Variants in WDR11 observed in about 807,000 individuals in gnomAD.
WDR11 encodes WD repeat-containing protein 11.
A neutral mutation model predicts 151.2 loss-of-function variants in WDR11; 83 were observed. The observed-to-expected ratio is 0.55, with a 90% CI of 0.46 to 0.66. The LOEUF (loss-of-function observed/expected upper bound fraction) is 0.66. WDR11 is among the 30% of genes least tolerant of loss of function. The pLI is 0.00. For missense variants in WDR11, 1,301 were observed against 1,480.9 expected (o/e 0.88, Z 1.99); for synonymous variants, 484 against 533.1 (o/e 0.91, Z 1.27).
chr10:120,904,632 G>T lies in WDR11; in HGVS notation c.3028-14G>T. 1 of 1,614,020 alleles carries T rather than the reference G, an allele frequency of 6.2e-7. No individual in the cohort carries two copies. Among genetic ancestry groups the T allele is most frequent in the Non-Finnish European group, 8.5e-7 (1 of 1,179,974 alleles). On this transcript the variant is annotated splice_polypyrimidine_tract_variant and intron_variant, in intron 24 of 28. Transcript: ENST00000263461. ...AAATGTTCTCATAATTAGAAAAACCGTTTCTCTTACTAGACAGACAGAGCT... is the reference window on the plus strand; with the variant it reads ...AAATGTTCTCATAATTAGAAAAACCTTTTCTCTTACTAGACAGACAGAGCT...
intron 11 of WDR11, among the ~76,000 whole-genome samples, chr10:120,877,229 T>C (rs891547829): frequency 3.3e-5 from 5 of 152,200 alleles, no homozygotes; most frequent in African/African-American, 1.2e-4. Flanking sequence ...TGATTATAAG[T>C]GTTACTTGGG....
Position 120,865,708 on chromosome 10 carries a change from TATA to T in WDR11, c.963_965del (p.Asn322del), listed in dbSNP as rs749583885. ...TATAACTTTACGTGTTCGAAGATCT[TATA>T]ATAACATTTTTACCACTTCAAATGA... On this transcript the variant is annotated inframe_deletion, in exon 7 of 29. Transcript: ENST00000263461. The T allele has an allele frequency of 1.4e-5, 23 of 1,610,216 alleles. No individual in the cohort carries two copies. In the South Asian group the frequency reaches 1.9e-4, roughly 13 times the overall value.
At position 120,901,044 on chromosome 10, in the gene WDR11, C is replaced by G; in HGVS notation, c.2633C>G (p.Pro878Arg). The stretch of plus-strand genomic sequence containing the variant: ...AAATTTTTTCTTTACAGTGACTATC[C>G]AGAAAATGAAGAAATAAAGAATCTC... The part of the protein sequence containing the change: ...YSLDISHVDY[P>R]ENEEIKNLLQ... The change falls in exon 21 of 29, where the codon CCA becomes CGA. Residue 878 changes from proline to arginine, a missense_variant. Physicochemically the swap from Pro to Arg is moderately radical, Grantham distance 103. Transcript: ENST00000263461. 1 of 1,611,616 alleles carries G rather than the reference C, an allele frequency of 6.2e-7. No individual in the cohort carries two copies. Among genetic ancestry groups the G allele is most frequent in the East Asian group, 2.2e-5 (1 of 44,738 alleles).
At position 120,874,190 on chromosome 10, in the gene WDR11, T is replaced by TTGTTG. The variant is rs72160923; in HGVS notation, c.1556+268_1556+269insGTTGT. On this transcript the variant is annotated intron_variant, in intron 11 of 28. Transcript: ENST00000263461. The stretch of plus-strand genomic sequence containing the variant: ...CGGTTTTTGCAGTTTTTTTTTTTTT[T>TTGTTG]TTGTTGTTGTTGTTGTTGTTTGTTT... Among the ~76,000 whole-genome samples, 267 of 105,114 alleles carry TTGTTG rather than the reference T, an allele frequency of 2.5e-3. 3 individuals are homozygous for TTGTTG. Among genetic ancestry groups the TTGTTG allele is most frequent in the East Asian group, 8.8e-3 (31 of 3,504 alleles). The allele number at this position is 105,114 out of a possible 152,430, so 69.0% of individuals were successfully genotyped here. A position where few individuals can be genotyped will look rare whatever the true frequency, so the allele number is the denominator to read the frequency against.
chr10:120,864,924 C>A, intron 5 of WDR11, 123 bp from the exon 6 acceptor site: 1 of 1,143,032 alleles, frequency 8.7e-7, no homozygotes, highest in Non-Finnish European at 1.3e-6. Flanking sequence ...CCATGTTGGT[C>A]ACTTCAGGGA....
In WDR11 at chr10:120,904,778, G is replaced by A; in HGVS notation, c.3160G>A (p.Ala1054Thr). 6.2e-7 allele frequency: 1 copy of A among 1,614,136 alleles called. No individual in the cohort carries two copies. The highest frequency in any genetic ancestry group is 8.5e-7 in the Non-Finnish European group (1 of 1,180,022). The change falls in exon 25 of 29, where the codon GCA becomes ACA. Residue 1054 changes from alanine (A) to threonine (T), a missense_variant. By Grantham distance (58) the Ala-to-Thr change is moderately conservative. Coordinates refer to ENST00000263461, the MANE Select transcript of WDR11 (RefSeq NM_018117.12). Reference sequence around the variant, plus strand: ...CTCTCAGAGCACCATTAAGTTGGTGGCAACGAATATGATTGCCAATGGCAA... The same window carrying A: ...CTCTCAGAGCACCATTAAGTTGGTGACAACGAATATGATTGCCAATGGCAA... The part of the protein sequence containing the change: ...GPSQSTIKLV[A>T]TNMIANGKLA...
chr10:120,851,513 A>ACGCCGAGCTTCCAGGT lies in WDR11; in HGVS notation c.86+12_86+27dup. On this transcript the variant is annotated splice_region_variant and intron_variant, in intron 1 of 28. Transcript: ENST00000263461. ...ACAAGGCGGCGGTGGACTGGTGAGG[A>ACGCCGAGCTTCCAGGT]CGCCGAGCTTCCAGGTCGCCAGGAT... 2 of 1,609,196 alleles carry ACGCCGAGCTTCCAGGT rather than the reference A, an allele frequency of 1.2e-6. No individual in the cohort carries two copies. The highest frequency in any genetic ancestry group is 8.5e-7 in the Non-Finnish European group (1 of 1,178,682).
At chr10:120,854,177 TCCATTTCCC>T (rs1276473817) in intron 2 of WDR11, among the ~76,000 whole-genome samples, 1 of 152,214 alleles carries the variant, frequency 6.6e-6, no homozygotes, top group East Asian at 1.9e-4. Context: ...GCAGTCATAT[TCCATTTCCC>T]CCATTTCCCT....
intron 21 of WDR11, among the ~76,000 whole-genome samples, chr10:120,901,488 CTG>C (rs1359969062): frequency 6.6e-6 from 1 of 152,146 alleles, no homozygotes; most frequent in Non-Finnish European, 1.5e-5. Context: ...AATGAGTTCT[CTG>C]TGTCAGGTGC....
chr10:120,886,657 A>G (rs201143283), intron 15 of WDR11, 32 bp from the exon 16 acceptor site: 3 of 1,610,156 alleles, frequency 1.9e-6, no homozygotes, highest in Non-Finnish European at 8.5e-7. Context: ...GGAAAAAAAA[A>G]CATCTTTATC....
chr10:120,859,311 A>C (rs1454692370), intron 3 of WDR11, among the ~76,000 whole-genome samples: 1 of 138,118 alleles, frequency 7.2e-6, no homozygotes, highest in African/African-American at 2.8e-5. Context: ...TCTGTTGCCC[A>C]GGCTGGAGTA....
intron 11 of WDR11, among the ~76,000 whole-genome samples, chr10:120,875,893 T>G (rs948387305): frequency 6.6e-6 from 1 of 152,102 alleles, no homozygotes; most frequent in Non-Finnish European, 1.5e-5. Flanking sequence ...AGGTCTTGTG[T>G]ATAAAAATTC....
At position 120,900,099 on chromosome 10, in the gene WDR11, G is replaced by A. The variant is rs1272277491; in HGVS notation, c.2586G>A (p.Gln862=). The A allele has an allele frequency of 6.2e-7, 1 of 1,613,992 alleles. No individual in the cohort carries two copies. The highest frequency in any genetic ancestry group is 8.5e-7 in the Non-Finnish European group (1 of 1,179,916). The change falls in exon 20 of 29, where the codon CAG becomes CAA. Residue 862 remains glutamine, a synonymous_variant. Transcript: ENST00000263461. ...CCTTGAAAGCCTTCTTATTACACCA[G>A]CCTTGGAATGGACAGTATTCTTTGG... ...SLALKAFLLH[Q]PWNGQYSLDI...
chr10:120,873,300 G>A (rs1165317881), intron 10 of WDR11, among the ~76,000 whole-genome samples: 2 of 152,188 alleles, frequency 1.3e-5, no homozygotes, highest in African/African-American at 4.8e-5. Context: ...TCATCCAAGA[G>A]TATAAGGAAG....
Position 120,902,319 on chromosome 10 carries a change from C to T in WDR11, c.2750C>T (p.Ser917Leu). 1 of 1,613,138 alleles carries T rather than the reference C, an allele frequency of 6.2e-7. No individual in the cohort carries two copies. Among genetic ancestry groups the T allele is most frequent in the Non-Finnish European group, 8.5e-7 (1 of 1,179,218 alleles). ...CTCTTGCAGAGGTGCCTGCTTGTTT[C>T]AAGGTAATATTGTTTGATGTATTCT... Reference protein sequence around the residue: ...FTLLQRCLLVSRLYGDESELH... With the variant: ...FTLLQRCLLVLRLYGDESELH... Residue 917 changes from serine to leucine, a missense_variant, in exon 22 of 29, where the codon TCA becomes TTA. By Grantham distance (145) the Ser-to-Leu change is moderately radical. Transcript: ENST00000263461.
rs1469685388 is a variant in WDR11 at position 120,902,250 on chromosome 10, T to A, written c.2688-7T>A. ...TTGTCTCACTTTTGTCCGGATTTCTTCCACAGTGACATAAAGAAACTGTTG... is the reference window on the plus strand; with the variant it reads ...TTGTCTCACTTTTGTCCGGATTTCTACCACAGTGACATAAAGAAACTGTTG... On this transcript the variant is annotated splice_polypyrimidine_tract_variant and splice_region_variant and intron_variant, in intron 21 of 28. Coordinates refer to ENST00000263461, the MANE Select transcript of WDR11 (RefSeq NM_018117.12). The A allele has an allele frequency of 1.2e-6, 2 of 1,613,932 alleles. No homozygotes were observed. Among genetic ancestry groups the A allele is most frequent in the Admixed American group, 1.7e-5 (1 of 60,022 alleles).
chr10:120,864,931 G>T, intron 5 of WDR11, 116 bp from the exon 6 acceptor site: 1 of 1,257,956 alleles, frequency 7.9e-7, no homozygotes. Context: ...GGTCACTTCA[G>T]GGAATAGTTG....
In WDR11 at chr10:120,905,911, A is replaced by C; in HGVS notation, c.3327A>C (p.Leu1109Phe). The change falls in exon 27 of 29, where the codon TTA becomes TTC. Residue 1109 changes from leucine (L) to phenylalanine (F), a missense_variant. Coordinates refer to ENST00000263461, the MANE Select transcript of WDR11 (RefSeq NM_018117.12). ...ATCCTGAGGAGTGTGCCGATGTTTT[A>C]AGGCGGTGGGTTGACCACCTTTGTT... ...RLNPEECADV[L>F]RRWVDHLCSP... is the part of the protein sequence containing the mutation. 1 of 1,613,980 alleles carries C rather than the reference A, an allele frequency of 6.2e-7. No individual in the cohort carries two copies. The highest frequency in any genetic ancestry group is 8.5e-7 in the Non-Finnish European group (1 of 1,180,006).
intron 24 of WDR11, 99 bp from the exon 25 acceptor site, chr10:120,904,547 A>C: frequency 6.9e-7 from 1 of 1,438,858 alleles, no homozygotes; most frequent in South Asian, 1.2e-5. Flanking sequence ...GCATTTTTTG[A>C]AAATGAGTGT....
Sources: gnomAD v4.1 joint callset for allele counts (sites outside exome capture counted in the v4.1 genomes callset) on GRCh38, gnomAD v4.1.1 for gene constraint, MANE v1.5 for transcripts, NCBI Gene and HGNC (gene_info 2026-07-23, HGNC 2026-07-21) for gene names.